Variants in GREB1 observed in about 807,000 individuals in gnomAD.
The protein encoded by GREB1 is growth regulating estrogen receptor binding 1, also known as protein GREB1.
GREB1 carries 106 observed loss-of-function variants against 200.7 expected under a neutral mutation model. The ratio of observed to expected loss-of-function variants is 0.53; its 90% CI spans 0.45 to 0.62. The LOEUF is 0.62. Ranked by LOEUF, GREB1 falls within the 20% of genes least tolerant of loss-of-function variation. The probability of loss-of-function intolerance (pLI) is 0.00; values close to 1 mark genes in which losing one functional copy is unlikely to be tolerated. For synonymous variants in GREB1, 1,132 were observed against 1,092.4 expected (o/e 1.04, Z -0.72); for missense variants, 2,243 against 2,556.8 (o/e 0.88, Z 2.65).
Position 11,625,286 on chromosome 2 carries a change from C to T in GREB1, c.4280C>T (p.Ser1427Leu), listed in dbSNP as rs377043071. 85 of 1,614,020 alleles carry T rather than the reference C, an allele frequency of 5.3e-5. No homozygotes were observed. Among genetic ancestry groups the T allele is most frequent in the Admixed American group, 8.3e-5 (5 of 59,986 alleles). ...TATGAAGATGCCAGCCTGATTTGTTCGCACTATCAGGGTATAAAGAGTGAA... is the reference window on the plus strand; with the variant it reads ...TATGAAGATGCCAGCCTGATTTGTTTGCACTATCAGGGTATAAAGAGTGAA... Reference protein sequence around the residue: ...PKYEDASLICSHYQGIKSEDR... With the variant: ...PKYEDASLICLHYQGIKSEDR... The change falls in exon 24 of 33, where the codon TCG (serine) becomes TTG (leucine). Residue 1427 changes from serine (S) to leucine (L), a missense_variant. Physicochemically the swap from Ser to Leu is moderately radical, Grantham distance 145 (BLOSUM62 -2). Coordinates refer to ENST00000381486, the MANE Select transcript of GREB1 (RefSeq NM_014668.4).
chr2:11,604,171 C>T (rs539082246), intron 17 of GREB1, among the ~76,000 whole-genome samples: 7 of 152,308 alleles, frequency 4.6e-5, no homozygotes, highest in African/African-American at 1.4e-4. Context: ...TAGAAATCCA[C>T]CTTGCTGGTG....
At chr2:11,535,602 A>AATAT (rs1288033703) in intron 1 of GREB1, among the ~76,000 whole-genome samples, 3 of 152,180 alleles carry the variant, frequency 2.0e-5, no homozygotes, top group Non-Finnish European at 2.9e-5. Flanking sequence ...TAAATAAATA[A>AATAT]TAGAGAAATA....
In GREB1 at chr2:11,634,249, C is replaced by T. The variant is rs778030913; in HGVS notation, c.5110C>T (p.Arg1704Trp). The T allele has an allele frequency of 3.2e-5, 52 of 1,614,094 alleles. No individual in the cohort carries two copies. Among genetic ancestry groups the T allele is most frequent in the African/African-American group, 2.4e-4 (18 of 74,956 alleles). Reference protein sequence around the residue: ...LGLRKWSSKTRASEVQEPFSR... With the variant: ...LGLRKWSSKTWASEVQEPFSR... ...CCTGCGGAAGTGGTCCAGCAAGACCCGGGCCAGCGAGGTGCAAGAGCCCTT... is the reference window on the plus strand; with the variant it reads ...CCTGCGGAAGTGGTCCAGCAAGACCTGGGCCAGCGAGGTGCAAGAGCCCTT... Residue 1704 changes from arginine (R) to tryptophan (W), a missense_variant, in exon 29 of 33, where the codon CGG (arginine) becomes TGG (tryptophan). By Grantham distance (101) the Arg-to-Trp change is moderately radical. Transcript: ENST00000381486.
At chr2:11,606,897 C>T (rs1682353247) in intron 17 of GREB1, among the ~76,000 whole-genome samples, 1 of 151,874 alleles carries the variant, frequency 6.6e-6, no homozygotes, top group African/African-American at 2.4e-5. Flanking sequence ...ATTCTCCTGC[C>T]TCAGCCTCCT....
At chr2:11,559,952 C>G (rs148302814) in intron 2 of GREB1, among the ~76,000 whole-genome samples, 1,957 of 152,282 alleles carry the variant, frequency 0.013, 21 homozygotes, top group Middle Eastern at 0.031. Flanking sequence ...CAAAGTCACG[C>G]TTCCCACCTG....
intron 16 of GREB1, among the ~76,000 whole-genome samples, chr2:11,601,812 C>G (rs193247882): frequency 6.6e-6 from 1 of 152,210 alleles, no homozygotes; most frequent in African/African-American, 2.4e-5. Flanking sequence ...AAGTGGCCAA[C>G]AAGAGTTGGG....
At chr2:11,557,849 C>T (rs1430996371) in intron 2 of GREB1, among the ~76,000 whole-genome samples, 1 of 152,124 alleles carries the variant, frequency 6.6e-6, no homozygotes, top group East Asian at 1.9e-4. Context: ...ATCAAAAGCA[C>T]TGATGTTTTC....
At chr2:11,604,863 G>A (rs1214208352) in intron 17 of GREB1, among the ~76,000 whole-genome samples, 1 of 152,186 alleles carries the variant, frequency 6.6e-6, no homozygotes, top group African/African-American at 2.4e-5. Flanking sequence ...TGTGTGGTCC[G>A]ACTGTTAGTC....
chr2:11,607,531 CAT>C (rs201340748), intron 17 of GREB1, among the ~76,000 whole-genome samples: 67,526 of 140,390 alleles, frequency 0.48, 16,778 homozygotes, highest in South Asian at 0.7. Flanking sequence ...TATATATACA[CAT>C]ATATATACAT....
intron 1 of GREB1, among the ~76,000 whole-genome samples, chr2:11,523,248 G>A (rs1444740370): frequency 2.0e-5 from 3 of 152,110 alleles, no homozygotes; most frequent in Non-Finnish European, 4.4e-5. Context: ...AGTGGGAGGA[G>A]GGGGAGGATC....
At chr2:11,599,815 C>T (rs548032778) in intron 15 of GREB1, among the ~76,000 whole-genome samples, 229 of 152,322 alleles carry the variant, frequency 1.5e-3, no homozygotes, top group Non-Finnish European at 2.4e-3. Context: ...CCACCGCACC[C>T]GGCTGATGCC....
chr2:11,498,669 G>T (rs918362129), intron 1 of GREB1, among the ~76,000 whole-genome samples: 5 of 152,194 alleles, frequency 3.3e-5, no homozygotes, highest in Admixed American at 2.6e-4. Flanking sequence ...CTGCTGGGCA[G>T]CTGGGCAGCC....
intron 1 of GREB1, among the ~76,000 whole-genome samples, chr2:11,555,567 G>T (rs1676349702): frequency 6.6e-6 from 1 of 152,204 alleles, no homozygotes; most frequent in African/African-American, 2.4e-5. Context: ...ATGAAGTATT[G>T]ATTCATGCTA....
rs1200858682 is a variant in GREB1 at position 11,548,955 on chromosome 2, A to G, written c.-161-7499A>G. On this transcript the variant is annotated intron_variant, in intron 1 of 32. Coordinates refer to ENST00000381486, the MANE Select transcript of GREB1 (RefSeq NM_014668.4). This position sits in a 1 kb window ranked among gnomAD's most constrained non-coding sequence, Gnocchi z 5.1. ...CATTATTTCATTATTTCCAATGTCC[A>G]CTATTGCTGTTGAGAAATCCAAAGT... 6.6e-5 allele frequency among the ~76,000 whole-genome samples: 10 copies of G among 152,134 alleles called. No individual in the cohort carries two copies. The highest frequency in any genetic ancestry group is 1.5e-5 in the Non-Finnish European group (1 of 68,016).
chr2:11,579,907 C>T (rs1679289626), intron 6 of GREB1, among the ~76,000 whole-genome samples: 1 of 152,156 alleles, frequency 6.6e-6, no homozygotes, highest in African/African-American at 2.4e-5. Context: ...ATGTATTAGT[C>T]CATTTTCATA....
In GREB1 at chr2:11,618,592, G is replaced by T. The variant is rs564675873; in HGVS notation, c.3717G>T (p.Thr1239=). 2 of 1,612,986 alleles carry T rather than the reference G, an allele frequency of 1.2e-6. No individual in the cohort carries two copies. The highest frequency in any genetic ancestry group is 2.2e-5 in the East Asian group (1 of 44,874). ...CATCCGTGGCGCCCGCTGCCGGCAC[G>T]TGGGTCCTGCAGGCCTCCCAGTGCT... is the stretch of plus-strand genomic sequence containing the variant. ...SSSSVAPAAG[T]WVLQASQCSL... Residue 1239 remains threonine, a synonymous_variant, in exon 22 of 33, where the codon ACG becomes ACT. Transcript: ENST00000381486.
chr2:11,567,915 G>A (rs1047555887), intron 4 of GREB1, among the ~76,000 whole-genome samples: 3 of 152,190 alleles, frequency 2.0e-5, no homozygotes, highest in Non-Finnish European at 4.4e-5. Flanking sequence ...ATGAAGCGGG[G>A]AGGTGACTTC....
At chr2:11,606,125 G>C (rs1217789961) in intron 17 of GREB1, among the ~76,000 whole-genome samples, 1 of 152,202 alleles carries the variant, frequency 6.6e-6, no homozygotes, top group Non-Finnish European at 1.5e-5. Context: ...CCAGTCCCAT[G>C]GTCAGCCCTC....
Position 11,625,327 on chromosome 2 carries a change from C to G in GREB1, c.4306+15C>G. Reference sequence around the variant, plus strand: ...AAAGAGTGAAGGTCAGACTTTGAATCTCTCGTTTCACCTTCCAGAGTGCAT... The same window carrying G: ...AAAGAGTGAAGGTCAGACTTTGAATGTCTCGTTTCACCTTCCAGAGTGCAT... On this transcript the variant is annotated intron_variant, in intron 24 of 32. Coordinates refer to ENST00000381486, the MANE Select transcript of GREB1 (RefSeq NM_014668.4). 6.2e-7 allele frequency: 1 copy of G among 1,609,900 alleles called. No individual in the cohort carries two copies. Among genetic ancestry groups the G allele is most frequent in the Non-Finnish European group, 8.5e-7 (1 of 1,176,800 alleles).
Sources: gnomAD v4.1 joint callset for allele counts (sites outside exome capture counted in the v4.1 genomes callset) on GRCh38, gnomAD v4.1.1 for gene constraint, Gnocchi (gnomAD v3.1) non-coding constraint, MANE v1.5 for transcripts, NCBI Gene and HGNC (gene_info 2026-07-23, HGNC 2026-07-21) for gene names.